DYNC2H1: variants seen among roughly 807,000 people sequenced by gnomAD.
The protein encoded by DYNC2H1 is cytoplasmic dynein 2 heavy chain 1.
DYNC2H1 carries 410 observed loss-of-function variants against 570.0 expected under a neutral mutation model. The ratio of observed to expected loss-of-function variants is 0.72; its 90% CI spans 0.66 to 0.78. The LOEUF is 0.78. Among genes scored for constraint, DYNC2H1 ranks in the 30% least tolerant of loss-of-function variants. DYNC2H1 has a pLI of 0.00. For synonymous variants in DYNC2H1, 1,688 were observed against 1,677.6 expected (o/e 1.01, Z -0.15); for missense variants, 4,865 against 5,046.4 (o/e 0.96, Z 1.09).
intron 84 of DYNC2H1, among the ~76,000 whole-genome samples, chr11:103,410,850 C>A (rs1198878809): frequency 6.6e-6 from 1 of 152,030 alleles, no homozygotes; most frequent in South Asian, 2.1e-4. Flanking sequence ...ATTGACCAAC[C>A]CTATATATCA....
rs5794237 is a variant in DYNC2H1, at chr11:103,442,969, C to CTTTTT, written c.12456+6946_12456+6950dup. ...CAATGCTTCCCTTGATTTATGAGCC[C>CTTTTT]TTTTTTTTTTTTTGCCATTTAAAGG... On this transcript the variant is annotated intron_variant, in intron 85 of 88. Transcript: ENST00000375735. Among the ~76,000 whole-genome samples, 183 of 143,096 alleles carry CTTTTT rather than the reference C, an allele frequency of 1.3e-3. 1 individual carries two copies. Among genetic ancestry groups the CTTTTT allele is most frequent in the African/African-American group, 4.5e-3 (177 of 39,210 alleles). The allele number at this position is 143,096 out of a possible 152,430, so 93.9% of individuals were successfully genotyped here. A position where few individuals can be genotyped will look rare whatever the true frequency, so the allele number is the denominator to read the frequency against.
rs149454502 is a variant in DYNC2H1 at position 103,351,058 on chromosome 11, G to A, written c.12040-7185G>A. 3.8e-3 allele frequency among the ~76,000 whole-genome samples: 584 copies of A among 152,282 alleles called. 5 individuals are homozygous for A. The highest frequency in any genetic ancestry group is 0.013 in the African/African-American group (560 of 41,560). ...CTATCCCAAAACTTAGTGACTTGAA[G>A]TAATAATGTTTTCTGCTTTTTAAAT... On this transcript the variant is annotated intron_variant, in intron 82 of 88. Transcript: ENST00000375735.
chr11:103,459,327 A>G lies in DYNC2H1; in HGVS notation c.12648+2971A>G, dbSNP rs1372368957. On this transcript the variant is annotated intron_variant, in intron 87 of 88. Transcript: ENST00000375735. The stretch of plus-strand genomic sequence containing the variant: ...CCGTCTCAAAAAAAAAAAAAAAAAA[A>G]AAAAAAGGAAATTCCATTCATATAG... Among the ~76,000 whole-genome samples, 6 of 149,510 alleles carry G rather than the reference A, an allele frequency of 4.0e-5. No homozygotes were observed. In the East Asian group the frequency reaches 6.0e-4, roughly 15 times the overall value.
chr11:103,143,135 A>G, intron 17 of DYNC2H1, 133 bp from the exon 18 acceptor site: 2 of 811,156 alleles, frequency 2.5e-6, no homozygotes, highest in Non-Finnish European at 3.8e-6. Context: ...TAATGATTAT[A>G]TTACTTAAAT....
intron 18 of DYNC2H1, 55 bp from the exon 19 acceptor site, chr11:103,147,717 C>T (rs554443824): frequency 1.9e-6 from 2 of 1,054,620 alleles, no homozygotes; most frequent in Admixed American, 2.1e-5. Flanking sequence ...ATATGAGACT[C>T]TTTTCCTCTA....
At chr11:103,343,135 T>C (rs1939555308) in intron 82 of DYNC2H1, among the ~76,000 whole-genome samples, 1 of 152,176 alleles carries the variant, frequency 6.6e-6, no homozygotes, top group Non-Finnish European at 1.5e-5. Flanking sequence ...CTGCTTTTGC[T>C]GTTCTTCCGG....
Position 103,439,347 on chromosome 11 carries a change from A to C in DYNC2H1, c.12456+3315A>C, listed in dbSNP as rs1944178493. ...TATACCAAAGTTATTGAAATTTTGT[A>C]AAAAAAATTAATAAAAAGTAAGCAT... On this transcript the variant is annotated intron_variant, in intron 85 of 88. Transcript: ENST00000375735. The surrounding 1 kb of genome is among the most constrained non-coding windows in gnomAD (Gnocchi z 4.1). Among the ~76,000 whole-genome samples the C allele has an allele frequency of 6.6e-6, 1 of 152,000 alleles. No individual in the cohort carries two copies. Among genetic ancestry groups the C allele is most frequent in the African/African-American group, 2.4e-5 (1 of 41,380 alleles).
chr11:103,231,195 C>A, intron 59 of DYNC2H1, 65 bp from the exon 60 acceptor site: 1 of 912,290 alleles, frequency 1.1e-6, no homozygotes, highest in African/African-American at 1.7e-5. Flanking sequence ...TTTTAAGGTG[C>A]TGCTGCTGCT....
At chr11:103,361,315 A>G (rs900455910) in intron 83 of DYNC2H1, among the ~76,000 whole-genome samples, 5 of 152,190 alleles carry the variant, frequency 3.3e-5, no homozygotes, top group Non-Finnish European at 7.3e-5. Flanking sequence ...ACGTGAGGAC[A>G]CTTCAAAAAG....
intron 61 of DYNC2H1, 91 bp downstream of exon 61, chr11:103,234,251 C>A: frequency 7.1e-7 from 1 of 1,403,802 alleles, no homozygotes; most frequent in Non-Finnish European, 9.5e-7. Context: ...AGAGAAAGAT[C>A]CATTAATTTG....
chr11:103,358,717 T>C (rs1234279517), intron 83 of DYNC2H1, among the ~76,000 whole-genome samples: 1 of 152,164 alleles, frequency 6.6e-6, no homozygotes, highest in African/African-American at 2.4e-5. Flanking sequence ...TTAAGTGACA[T>C]TGGCAGTTTT....
chr11:103,420,945 G>A (rs1041424678), intron 84 of DYNC2H1, among the ~76,000 whole-genome samples: 2 of 152,158 alleles, frequency 1.3e-5, no homozygotes, highest in African/African-American at 4.8e-5. Context: ...GCTGTATGAA[G>A]AACTAAGGCC....
intron 17 of DYNC2H1, among the ~76,000 whole-genome samples, chr11:103,138,899 T>C (rs1859731027): frequency 6.6e-6 from 1 of 152,050 alleles, no homozygotes; most frequent in Admixed American, 6.6e-5. Flanking sequence ...GAGCCTGTTA[T>C]TGGTCTATTC....
At chr11:103,158,858 A>G in intron 27 of DYNC2H1, 49 bp downstream of exon 27, 2 of 1,494,418 alleles carry the variant, frequency 1.3e-6, no homozygotes, top group Non-Finnish European at 1.8e-6. Flanking sequence ...AGTACTTGAT[A>G]TCTTAATTAT....
At chr11:103,291,850 T>C (rs1866613115) in intron 75 of DYNC2H1, among the ~76,000 whole-genome samples, 4 of 152,102 alleles carry the variant, frequency 2.6e-5, no homozygotes, top group Admixed American at 2.0e-4. Context: ...AAATCTCTTT[T>C]ATCTGATATA....
At chr11:103,394,023 T>G (rs1385963019) in intron 83 of DYNC2H1, among the ~76,000 whole-genome samples, 2 of 152,112 alleles carry the variant, frequency 1.3e-5, no homozygotes, top group African/African-American at 4.8e-5. Flanking sequence ...GAGATTTGGG[T>G]GGGGACACAG....
chr11:103,247,705 T>A (rs1422085518), intron 65 of DYNC2H1, among the ~76,000 whole-genome samples: 2 of 152,060 alleles, frequency 1.3e-5, no homozygotes, highest in African/African-American at 4.8e-5. Context: ...CATGAGTCTC[T>A]GGACAGGTAT....
At chr11:103,327,090 C>T (rs1414648570) in intron 82 of DYNC2H1, among the ~76,000 whole-genome samples, 2 of 152,132 alleles carry the variant, frequency 1.3e-5, no homozygotes, top group African/African-American at 4.8e-5. Context: ...CCGGGAACAG[C>T]CCCGAGCATT....
intron 38 of DYNC2H1, 132 bp from the exon 39 acceptor site, chr11:103,178,894 T>G: frequency 1.2e-6 from 1 of 819,916 alleles, no homozygotes; most frequent in Non-Finnish European, 1.8e-6. Context: ...TGAGCCAGGA[T>G]TGCGCATGGG....
Sources: allele counts gnomAD v4.1 joint callset (sites outside exome capture counted in the v4.1 genomes callset), GRCh38; gene constraint gnomAD v4.1.1; non-coding constraint Gnocchi (gnomAD v3.1); transcripts MANE v1.5; gene names NCBI Gene and HGNC (gene_info 2026-07-23, HGNC 2026-07-21).